Variants in SLC8A1 observed in about 807,000 individuals in gnomAD.
The protein encoded by SLC8A1 is sodium/calcium exchanger 1.
Under a neutral mutation model 68.3 loss-of-function variants are expected in SLC8A1, and 18 were observed. The observed-to-expected ratio is 0.26, with a 90% confidence interval of 0.18 to 0.39. The LOEUF (loss-of-function observed/expected upper bound fraction) is 0.39, where lower values mean the gene tolerates loss of function less well. Among genes scored for constraint, SLC8A1 ranks in the 10% least tolerant of loss-of-function variants. The pLI, the probability that SLC8A1 is intolerant of heterozygous loss-of-function variation, is 1.00. For synonymous variants in SLC8A1, 475 were observed against 415.5 expected, an observed-to-expected ratio of 1.14 and a Z score of -1.74; for missense variants, 985 against 1,156.7, an observed-to-expected ratio of 0.85 and a Z score of 2.15.
intron 2 of SLC8A1, among the ~76,000 whole-genome samples, chr2:40,354,505 C>G (rs909674560): frequency 1.3e-5 from 2 of 152,110 alleles, no homozygotes; most frequent in Non-Finnish European, 2.9e-5. Flanking sequence ...AGCAAAGGAC[C>G]TAGAAGGCAT....
At chr2:40,419,832 T>C (rs1576342708) in intron 2 of SLC8A1, among the ~76,000 whole-genome samples, 3 of 152,330 alleles carry the variant, frequency 2.0e-5, no homozygotes, top group African/African-American at 4.8e-5. Context: ...ATGTTCTTTG[T>C]TGAAAGCTAA....
intron 2 of SLC8A1, among the ~76,000 whole-genome samples, chr2:40,382,042 G>A (rs1311202910): frequency 6.6e-6 from 1 of 152,066 alleles, no homozygotes; most frequent in African/African-American, 2.4e-5. Context: ...CATTGTTTCA[G>A]TGATTGATTT....
intron 2 of SLC8A1, among the ~76,000 whole-genome samples, chr2:40,413,229 T>C (rs919126147): frequency 6.6e-6 from 1 of 152,230 alleles, no homozygotes; most frequent in Non-Finnish European, 1.5e-5. Context: ...AAATACCATT[T>C]GGCCCAGCCA....
intron 1 of SLC8A1, among the ~76,000 whole-genome samples, chr2:40,448,335 A>G (rs1396116144): frequency 6.6e-6 from 1 of 152,194 alleles, no homozygotes; most frequent in African/African-American, 2.4e-5. Context: ...ACCGAAAGTA[A>G]TCCCGCTGCA....
chr2:40,255,964 C>G (rs1466635338), intron 2 of SLC8A1, among the ~76,000 whole-genome samples: 1 of 152,136 alleles, frequency 6.6e-6, no homozygotes, highest in South Asian at 2.1e-4. Context: ...GAATTTAGGG[C>G]CATGGTACAG....
intron 2 of SLC8A1, among the ~76,000 whole-genome samples, chr2:40,333,603 G>A (rs1412672140): frequency 6.6e-6 from 1 of 152,028 alleles, no homozygotes; most frequent in African/African-American, 2.4e-5. Context: ...CTTTGTGGTA[G>A]AAAATATATA....
chr2:40,159,766 A>ATT (rs2045329828), intron 6 of SLC8A1, among the ~76,000 whole-genome samples: 2 of 152,192 alleles, frequency 1.3e-5, no homozygotes, highest in Non-Finnish European at 2.9e-5. Flanking sequence ...AACCAAAGCA[A>ATT]GATTATAAAC....
intron 2 of SLC8A1, among the ~76,000 whole-genome samples, chr2:40,411,087 T>C (rs529167985): frequency 3.3e-5 from 5 of 152,146 alleles, no homozygotes; most frequent in South Asian, 4.1e-4. Context: ...AAGACTTTCA[T>C]ACGAAATAAA....
At chr2:40,360,354 G>T (rs1674228394) in intron 2 of SLC8A1, among the ~76,000 whole-genome samples, 1 of 152,098 alleles carries the variant, frequency 6.6e-6, no homozygotes, top group Non-Finnish European at 1.5e-5. Context: ...TGGATAGCAA[G>T]TACATTTAAG....
intron 2 of SLC8A1, among the ~76,000 whole-genome samples, chr2:40,266,850 C>T (rs3862986): frequency 0.32 from 48,354 of 151,964 alleles, 9,562 homozygotes; most frequent in East Asian, 0.59. Flanking sequence ...GCTTCCACCC[C>T]AAGTTGGATT....
rs150569660 is a variant in SLC8A1, at chr2:40,493,713, G to T, written c.-25+18636C>A. ...TCTGTTTCCCAGGCTGGAGTGCAGT[G>T]GCACGATCTCAACTCACTGCAACCT... On this transcript the variant is annotated intron_variant, in intron 1 of 7. Coordinates refer to the SLC8A1 transcript ENST00000402441. Among the ~76,000 whole-genome samples the T allele has an allele frequency of 3.9e-3, 585 of 148,448 alleles. 1 individual carries two copies. Among genetic ancestry groups the T allele is most frequent in the African/African-American group, 0.014 (554 of 40,294 alleles).
At chr2:40,350,525 A>G (rs1670728343) in intron 2 of SLC8A1, among the ~76,000 whole-genome samples, 1 of 149,840 alleles carries the variant, frequency 6.7e-6, no homozygotes, top group African/African-American at 2.5e-5. Context: ...CAAATTACAA[A>G]TAATTTTTTG....
intron 2 of SLC8A1, among the ~76,000 whole-genome samples, chr2:40,312,690 T>G (rs138278183): frequency 6.6e-6 from 1 of 152,262 alleles, no homozygotes; most frequent in African/African-American, 2.4e-5. Flanking sequence ...TAAGATTGCA[T>G]ACCAAGTTAA....
At chr2:40,199,723 T>C (rs1397435755) in intron 2 of SLC8A1, among the ~76,000 whole-genome samples, 1 of 151,726 alleles carries the variant, frequency 6.6e-6, no homozygotes, top group Non-Finnish European at 1.5e-5. Context: ...AACTCAGCCA[T>C]AGAGTTTGCA....
At chr2:40,487,338 A>G (rs1461326873) in intron 1 of SLC8A1, among the ~76,000 whole-genome samples, 1 of 152,060 alleles carries the variant, frequency 6.6e-6, no homozygotes, top group Non-Finnish European at 1.5e-5. Flanking sequence ...TCTAATGTGC[A>G]TTTTTCCTAA....
chr2:40,265,362 G>T (rs538009023), intron 2 of SLC8A1, among the ~76,000 whole-genome samples: 3 of 152,108 alleles, frequency 2.0e-5, no homozygotes, highest in Non-Finnish European at 2.9e-5. Flanking sequence ...CTACCTTACA[G>T]TACACTGCTT....
At chr2:40,350,805 C>T (rs989962339) in intron 2 of SLC8A1, among the ~76,000 whole-genome samples, 1 of 151,818 alleles carries the variant, frequency 6.6e-6, no homozygotes, top group Non-Finnish European at 1.5e-5. Flanking sequence ...CTAGAATGAG[C>T]CAGAATGTGT....
chr2:40,201,585 G>C (rs759474254), intron 2 of SLC8A1, among the ~76,000 whole-genome samples: 4 of 151,878 alleles, frequency 2.6e-5, no homozygotes, highest in Non-Finnish European at 4.4e-5. Flanking sequence ...ACTAAGCTTT[G>C]CCTTTGTAAG....
intron 2 of SLC8A1, among the ~76,000 whole-genome samples, chr2:40,256,516 G>C (rs553318846): frequency 6.6e-6 from 1 of 152,158 alleles, no homozygotes; most frequent in Non-Finnish European, 1.5e-5. Flanking sequence ...CTATCTTTAC[G>C]TCTAAAGTGT....
Sources: gnomAD v4.1 joint callset for allele counts (sites outside exome capture counted in the v4.1 genomes callset) on GRCh38, gnomAD v4.1.1 for gene constraint, MANE v1.5 for transcripts, NCBI Gene and HGNC (gene_info 2026-07-23, HGNC 2026-07-21) for gene names.